Variants in HS3ST3A1 observed in about 807,000 individuals in gnomAD.
HS3ST3A1 encodes heparan sulfate glucosamine 3-O-sulfotransferase 3A1.
HS3ST3A1 carries 19 observed loss-of-function variants against 25.7 expected under a neutral mutation model. That is an observed-to-expected ratio of 0.74 (90% confidence interval 0.52 to 1.08). The LOEUF is 1.08. Ranked by LOEUF, HS3ST3A1 falls within the 50% of genes least tolerant of loss-of-function variation. The pLI is 0.00. For synonymous variants in HS3ST3A1, 226 were observed against 278.6 expected (o/e 0.81, Z 1.88); for missense variants, 459 against 594.3 (o/e 0.77, Z 2.37).
intron 1 of HS3ST3A1, among the ~76,000 whole-genome samples, chr17:13,500,540 A>T (rs1029681): frequency 0.15 from 23,515 of 152,206 alleles, 2,345 homozygotes; most frequent in East Asian, 0.29. Context: ...CAGGTGAAGA[A>T]GTATGGGAGA....
chr17:13,600,674 C>T lies in HS3ST3A1; in HGVS notation c.456G>A (p.Leu152=), dbSNP rs1908699862. ...TCACTCCGATGATGATGGCCTGCGG[C>T]AGCTGCTTGCTGCCTTCGTCCAGGA... ...ALLLDEGSKQ[L]PQAIIIGVKK... The change falls in exon 1 of 2, where the codon CTG becomes CTA. Residue 152 remains leucine, a synonymous_variant. Transcript: ENST00000284110. The T allele has an allele frequency of 3.2e-6, 5 of 1,586,608 alleles. No individual in the cohort carries two copies. The highest frequency in any genetic ancestry group is 3.4e-6 in the Non-Finnish European group (4 of 1,172,918).
intron 1 of HS3ST3A1, among the ~76,000 whole-genome samples, chr17:13,513,773 T>A (rs1433507954): frequency 1.3e-5 from 2 of 152,220 alleles, no homozygotes; most frequent in Non-Finnish European, 2.9e-5. Context: ...GTTTCTAAAG[T>A]CAAACATTTT....
At chr17:13,581,652 A>G (rs1908118154) in intron 1 of HS3ST3A1, among the ~76,000 whole-genome samples, 1 of 152,214 alleles carries the variant, frequency 6.6e-6, no homozygotes, top group African/African-American at 2.4e-5. Context: ...GACTGAATAA[A>G]TATTTTTACC....
At chr17:13,542,713 A>T (rs1252915346) in intron 1 of HS3ST3A1, among the ~76,000 whole-genome samples, 1 of 151,892 alleles carries the variant, frequency 6.6e-6, no homozygotes, top group Non-Finnish European at 1.5e-5. Context: ...TAAAGCAATA[A>T]ATTTCTTTGT....
intron 1 of HS3ST3A1, among the ~76,000 whole-genome samples, chr17:13,522,329 A>G (rs1906274745): frequency 6.6e-6 from 1 of 151,566 alleles, no homozygotes; most frequent in Admixed American, 6.6e-5. Flanking sequence ...ATAGTCTCCC[A>G]CTTAGAAATC....
chr17:13,577,796 C>G (rs1907985202), intron 1 of HS3ST3A1, among the ~76,000 whole-genome samples: 1 of 152,180 alleles, frequency 6.6e-6, no homozygotes, highest in Non-Finnish European at 1.5e-5. Flanking sequence ...CCATTTGCAT[C>G]AAGTTCAGGC....
intron 1 of HS3ST3A1, among the ~76,000 whole-genome samples, chr17:13,523,289 A>G (rs1027843064): frequency 2.0e-5 from 3 of 152,234 alleles, no homozygotes; most frequent in African/African-American, 4.8e-5. Flanking sequence ...AACGACAAAG[A>G]ATATGGCCAG....
At chr17:13,504,901 G>T (rs1275735084) in intron 1 of HS3ST3A1, among the ~76,000 whole-genome samples, 3 of 152,198 alleles carry the variant, frequency 2.0e-5, no homozygotes, top group Non-Finnish European at 4.4e-5. Context: ...GTGGTGTGCA[G>T]TGTAACCTGG....
chr17:13,562,430 G>A (rs1378133647), intron 1 of HS3ST3A1, among the ~76,000 whole-genome samples: 2 of 152,084 alleles, frequency 1.3e-5, no homozygotes. Flanking sequence ...AGCGGGTGGG[G>A]GGGAAAGTAA....
intron 1 of HS3ST3A1, among the ~76,000 whole-genome samples, chr17:13,551,836 T>C (rs1314922632): frequency 6.6e-6 from 1 of 152,164 alleles, no homozygotes; most frequent in Non-Finnish European, 1.5e-5. Context: ...CTTGTGGCAT[T>C]TCCTCTTCCT....
At chr17:13,542,976 C>A (rs77120966) in intron 1 of HS3ST3A1, among the ~76,000 whole-genome samples, 2,946 of 152,286 alleles carry the variant, frequency 0.019, 39 homozygotes, top group Non-Finnish European at 0.031. Context: ...TTCCAGAGAG[C>A]TGCACACACA....
At chr17:13,564,433 C>G (rs1907625969) in intron 1 of HS3ST3A1, among the ~76,000 whole-genome samples, 1 of 152,086 alleles carries the variant, frequency 6.6e-6, no homozygotes, top group African/African-American at 2.4e-5. Flanking sequence ...CCTAAGGATA[C>G]CAAAATCCAT....
chr17:13,573,234 T>A (rs771186673), intron 1 of HS3ST3A1, among the ~76,000 whole-genome samples: 1 of 152,172 alleles, frequency 6.6e-6, no homozygotes, highest in African/African-American at 2.4e-5. Context: ...CATTTTAGAA[T>A]ACCCCAATGC....
At chr17:13,543,837 G>C (rs1447132986) in intron 1 of HS3ST3A1, among the ~76,000 whole-genome samples, 9 of 152,112 alleles carry the variant, frequency 5.9e-5, no homozygotes, top group Admixed American at 5.9e-4. Flanking sequence ...GGATTCCGAA[G>C]CATCACAAAG....
At chr17:13,500,730 T>A (rs1905447071) in intron 1 of HS3ST3A1, among the ~76,000 whole-genome samples, 1 of 152,180 alleles carries the variant, frequency 6.6e-6, no homozygotes, top group South Asian at 2.1e-4. Flanking sequence ...TAGAAATGTA[T>A]TTGTTTTGTC....
At chr17:13,506,994 G>A (rs573942638) in intron 1 of HS3ST3A1, among the ~76,000 whole-genome samples, 3 of 151,212 alleles carry the variant, frequency 2.0e-5, no homozygotes, top group South Asian at 2.1e-4. Context: ...GCTTGAACCC[G>A]GGAGGCAGAG....
chr17:13,574,842 T>C (rs1203484224), intron 1 of HS3ST3A1, among the ~76,000 whole-genome samples: 1 of 152,108 alleles, frequency 6.6e-6, no homozygotes, highest in African/African-American at 2.4e-5. Flanking sequence ...ATGGTAATTG[T>C]AAAACACTAA....
At chr17:13,562,426 TG>T (rs1011551616) in intron 1 of HS3ST3A1, among the ~76,000 whole-genome samples, 1 of 151,914 alleles carries the variant, frequency 6.6e-6, no homozygotes, top group African/African-American at 2.4e-5. Context: ...GGACAGCGGG[TG>T]GGGGGGAAAG....
intron 1 of HS3ST3A1, among the ~76,000 whole-genome samples, chr17:13,590,830 C>A (rs550465917): frequency 1.3e-5 from 2 of 152,122 alleles, no homozygotes; most frequent in East Asian, 3.9e-4. Context: ...AAGCATCAAT[C>A]CAAAGGTGAA....
Sources: allele counts gnomAD v4.1 joint callset (sites outside exome capture counted in the v4.1 genomes callset), GRCh38; gene constraint gnomAD v4.1.1; transcripts MANE v1.5; gene names NCBI Gene and HGNC (gene_info 2026-07-23, HGNC 2026-07-21).